The following RBFOX1 variants were observed in gnomAD, a reference collection of about 807,000 sequenced individuals.
RBFOX1 encodes RNA binding fox-1 homolog 1.
RBFOX1 carries 8 observed loss-of-function variants against 57.7 expected under a neutral mutation model. The ratio of observed to expected loss-of-function variants is 0.14; its 90% confidence interval spans 0.08 to 0.25. RBFOX1 has a LOEUF of 0.25. Ranked by LOEUF, RBFOX1 falls within the 10% of genes least tolerant of loss-of-function variation. RBFOX1 has a pLI of 1.00. For missense variants in RBFOX1, 611 were observed against 548.5 expected, an observed-to-expected ratio of 1.11 and a Z score of -1.14; for synonymous variants, 326 against 222.4, an observed-to-expected ratio of 1.47 and a Z score of -4.15.
intron 1 of RBFOX1, among the ~76,000 whole-genome samples, chr16:5,287,926 C>T (rs1051161991): frequency 6.6e-6 from 1 of 152,174 alleles, no homozygotes; most frequent in Non-Finnish European, 1.5e-5. Context: ...ATCCGCAACC[C>T]TCTAACCATC....
chr16:6,051,746 T>C (rs2095554310), intron 1 of RBFOX1, among the ~76,000 whole-genome samples: 1 of 152,160 alleles, frequency 6.6e-6, no homozygotes, highest in African/African-American at 2.4e-5. Flanking sequence ...GTACTTTTAG[T>C]AGAGACAGGG....
chr16:7,294,682 T>C (rs1212585025), intron 4 of RBFOX1, among the ~76,000 whole-genome samples: 2 of 152,070 alleles, frequency 1.3e-5, no homozygotes, highest in Non-Finnish European at 2.9e-5. Context: ...CAGCGATATA[T>C]TCCTGGAAAA....
intron 4 of RBFOX1, among the ~76,000 whole-genome samples, chr16:7,094,783 T>G (rs9806946): frequency 3.7e-5 from 5 of 133,424 alleles, no homozygotes; most frequent in Admixed American, 7.5e-5. Context: ...TGTGGGTGTG[T>G]GTGTGTGTTG....
chr16:5,543,824 A>G (rs1489668548), intron 2 of RBFOX1, among the ~76,000 whole-genome samples: 2 of 152,234 alleles, frequency 1.3e-5, no homozygotes, highest in African/African-American at 4.8e-5. Flanking sequence ...CACAAAGATA[A>G]GGGTGACAGT....
chr16:7,107,428 G>T (rs1193001305), intron 4 of RBFOX1, among the ~76,000 whole-genome samples: 3 of 152,102 alleles, frequency 2.0e-5, no homozygotes, highest in African/African-American at 7.2e-5. Flanking sequence ...CTCGATTCTT[G>T]TACAACACTC....
chr16:5,925,362 A>G (rs897482545), intron 4 of RBFOX1, among the ~76,000 whole-genome samples: 3 of 152,218 alleles, frequency 2.0e-5, no homozygotes, highest in African/African-American at 7.2e-5. Flanking sequence ...TACAGTGTAG[A>G]TGAACCTTGA....
chr16:5,459,247 C>T (rs1297849203), intron 1 of RBFOX1, among the ~76,000 whole-genome samples: 1 of 152,200 alleles, frequency 6.6e-6, no homozygotes, highest in Non-Finnish European at 1.5e-5. Context: ...GTGCTTAGGG[C>T]CTCATCCTAA....
intron 3 of RBFOX1, among the ~76,000 whole-genome samples, chr16:6,983,379 G>C (rs967241062): frequency 2.6e-5 from 4 of 151,678 alleles, no homozygotes; most frequent in Non-Finnish European, 5.9e-5. Context: ...CTTTGAAAAA[G>C]CTAGGGTGGG....
Position 6,988,557 on chromosome 16 carries a change from A to T in RBFOX1, c.-15-63500A>T, listed in dbSNP as rs142259658. On this transcript the variant is annotated intron_variant, in intron 3 of 15. Transcript: ENST00000550418. ...TTCTTTTCCCTTTTTATTTTAATTT[A>T]ACTTTATTTAATTTTATTTTATTTT... Among the ~76,000 whole-genome samples, 766 of 141,184 alleles carry T rather than the reference A, an allele frequency of 5.4e-3. 8 individuals are homozygous for T. The highest frequency in any genetic ancestry group is 0.028 in the East Asian group (140 of 4,916). The allele number at this position is 141,184 out of a possible 152,430, so 92.6% of individuals were successfully genotyped here.
At chr16:5,568,223 G>A (rs1308471375) in intron 2 of RBFOX1, among the ~76,000 whole-genome samples, 9 of 152,142 alleles carry the variant, frequency 5.9e-5, no homozygotes, top group Admixed American at 3.3e-4. Context: ...AGGTTGCAGC[G>A]TATGGGGGCC....
chr16:6,571,331 G>T (rs183376070), intron 2 of RBFOX1, among the ~76,000 whole-genome samples: 1 of 152,274 alleles, frequency 6.6e-6, no homozygotes, highest in East Asian at 1.9e-4. Flanking sequence ...AGGGGGTGAC[G>T]GTGGGCATCC....
intron 1 of RBFOX1, among the ~76,000 whole-genome samples, chr16:6,164,679 A>C (rs899685933): frequency 6.6e-6 from 1 of 151,712 alleles, no homozygotes; most frequent in Non-Finnish European, 1.5e-5. Context: ...GAGTTTTGCT[A>C]TTTGGCCGGG....
chr16:5,799,424 CA>C (rs1260427165), intron 3 of RBFOX1, among the ~76,000 whole-genome samples: 7 of 152,108 alleles, frequency 4.6e-5, no homozygotes, highest in Admixed American at 4.6e-4. Flanking sequence ...GAACAATATA[CA>C]GATGTATGGT....
intron 1 of RBFOX1, among the ~76,000 whole-genome samples, chr16:6,129,123 A>G (rs1239312897): frequency 6.6e-6 from 1 of 152,234 alleles, no homozygotes. Context: ...CACAAAATTT[A>G]TTAAACATAT....
chr16:7,034,299 T>C (rs1019284484), intron 3 of RBFOX1, among the ~76,000 whole-genome samples: 1 of 152,158 alleles, frequency 6.6e-6, no homozygotes, highest in Non-Finnish European at 1.5e-5. Context: ...AAGGTCCCTG[T>C]AAGAAGTCAC....
chr16:7,512,043 C>T (rs1024192413), intron 4 of RBFOX1, among the ~76,000 whole-genome samples: 6 of 152,166 alleles, frequency 3.9e-5, no homozygotes, highest in Admixed American at 1.3e-4. Flanking sequence ...CAACTAGGAA[C>T]ACCCACAAGC....
At chr16:7,477,594 T>C (rs1009385686) in intron 4 of RBFOX1, among the ~76,000 whole-genome samples, 1 of 152,160 alleles carries the variant, frequency 6.6e-6, no homozygotes, top group Non-Finnish European at 1.5e-5. Flanking sequence ...TGGCATGGCC[T>C]GAGTTTCGTG....
chr16:6,183,126 C>T (rs2097077569), intron 1 of RBFOX1, among the ~76,000 whole-genome samples: 1 of 151,932 alleles, frequency 6.6e-6, no homozygotes, highest in South Asian at 2.1e-4. Flanking sequence ...TGTCAGGTGG[C>T]ATGTGAGGAT....
At chr16:6,371,266 C>T (rs538355445) in intron 2 of RBFOX1, among the ~76,000 whole-genome samples, 3 of 152,250 alleles carry the variant, frequency 2.0e-5, no homozygotes, top group African/African-American at 7.2e-5. Context: ...ATTGATGATT[C>T]TTGTCTGAGT....
Sources: gnomAD v4.1 joint callset for allele counts (sites outside exome capture counted in the v4.1 genomes callset) on GRCh38, gnomAD v4.1.1 for gene constraint, MANE v1.5 for transcripts, NCBI Gene and HGNC (gene_info 2026-07-23, HGNC 2026-07-21) for gene names.